The following RGMB variants were observed in gnomAD, a reference collection of about 807,000 sequenced individuals.
RGMB encodes repulsive guidance molecule BMP co-receptor b, also known as repulsive guidance molecule B.
RGMB carries 16 observed loss-of-function variants against 26.9 expected under a neutral mutation model. The ratio of observed to expected loss-of-function variants is 0.60; its 90% confidence interval spans 0.40 to 0.90. The LOEUF (loss-of-function observed/expected upper bound fraction) is 0.90, where lower values mean the gene tolerates loss of function less well. Among genes scored for constraint, RGMB ranks in the 40% least tolerant of loss-of-function variants. RGMB has a pLI of 0.00. For missense variants in RGMB, 512 were observed against 573.3 expected, an observed-to-expected ratio of 0.89 and a Z score of 1.09; for synonymous variants, 225 against 229.3, an observed-to-expected ratio of 0.98 and a Z score of 0.17.
At chr5:98,769,510 C>G (rs545354455), upstream of RGMB, 1 of 152,356 alleles carries the variant, frequency 6.6e-6, no homozygotes, top group African/African-American at 2.4e-5. Context: ...CGCTGCCCCC[C>G]ACCTGGGGGA....
At position 98,790,794 on chromosome 5, in the gene RGMB, G is replaced by T. The variant is rs111616211; in HGVS notation, c.646-2291G>T. On this transcript the variant is annotated intron_variant, in intron 2 of 2. Transcript: ENST00000513185. Reference sequence around the variant, plus strand: ...TTTAAATTTTAGGTTTGTTAGACTAGAAAGACGAATTATTTAGCCGTCATT... The same window carrying T: ...TTTAAATTTTAGGTTTGTTAGACTATAAAGACGAATTATTTAGCCGTCATT... 4.8e-3 allele frequency among the ~76,000 whole-genome samples: 733 copies of T among 152,324 alleles called. 8 individuals are homozygous for T. The highest frequency in any genetic ancestry group is 0.016 in the African/African-American group (675 of 41,568).
upstream of RGMB, chr5:98,773,651 G>GGGGGCTGCCGCGCAGAGATATC (rs1746256130): frequency 1.2e-5 from 4 of 329,186 alleles, no homozygotes; most frequent in Admixed American, 4.9e-5. Flanking sequence ...GATCGACCGC[G>GGGGGCTGCCGCGCAGAGATATC]GGGGCTGCCG....
At chr5:98,791,756 T>G (rs1363175949) in intron 2 of RGMB, among the ~76,000 whole-genome samples, 3 of 151,316 alleles carry the variant, frequency 2.0e-5, no homozygotes, top group Non-Finnish European at 4.4e-5. Context: ...CCATGTTGTG[T>G]GACACAGCAG....
intron 2 of RGMB, among the ~76,000 whole-genome samples, chr5:98,783,927 T>C (rs922382177): frequency 1.3e-5 from 2 of 152,232 alleles, no homozygotes; most frequent in African/African-American, 4.8e-5. Context: ...TGTGGTTGTA[T>C]CCTTTTTCAC....
chr5:98,780,150 G>C, intron 2 of RGMB, 62 bp downstream of exon 2: 1 of 1,487,626 alleles, frequency 6.7e-7, no homozygotes, highest in Non-Finnish European at 9.1e-7. Context: ...TGATTCTTCA[G>C]ATAACTTTTG....
At chr5:98,777,107 G>A (rs989477345) in intron 1 of RGMB, among the ~76,000 whole-genome samples, 1 of 151,784 alleles carries the variant, frequency 6.6e-6, no homozygotes, top group Non-Finnish European at 1.5e-5. Context: ...AAAAGGAAAG[G>A]AAAAGGTTTG....
In RGMB at chr5:98,793,818, A is replaced by T; in HGVS notation, c.*65A>T. 8.2e-7 allele frequency: 1 copy of T among 1,224,764 alleles called. No individual in the cohort carries two copies. The allele number at this position is 1,224,764 out of a possible 1,614,324, so 75.9% of individuals were successfully genotyped here. On this transcript the variant is annotated 3_prime_UTR_variant, in exon 3 of 3. Coordinates refer to ENST00000513185, the MANE Select transcript of RGMB (RefSeq NM_001366508.1). ...ACAAAATTTTAAAATATATATTGTCATAATATATTGAGTAAAAGAGTATAT... is the reference window on the plus strand; with the variant it reads ...ACAAAATTTTAAAATATATATTGTCTTAATATATTGAGTAAAAGAGTATAT...
rs1464200558 is a variant in RGMB, at chr5:98,794,283, A to T, written c.*530A>T. 6.6e-6 allele frequency: 1 copy of T among 151,876 alleles called. No individual in the cohort carries two copies. The highest frequency in any genetic ancestry group is 1.9e-4 in the East Asian group (1 of 5,154). 9.4% of individuals were successfully genotyped at this position (151,876 alleles called of 1,614,324 possible). A position where few individuals can be genotyped will look rare whatever the true frequency, so the allele number is the denominator to read the frequency against. On this transcript the variant is annotated 3_prime_UTR_variant, in exon 3 of 3. Transcript: ENST00000513185. ...CTCACTTGATTTGAAAGGGTCGTTA[A>T]CTCTCCCTTACAGGTGCTTTGACTC...
intron 1 of RGMB, 69 bp from the exon 2 acceptor site, chr5:98,779,511 G>A: frequency 1.4e-6 from 2 of 1,405,158 alleles, no homozygotes; most frequent in Non-Finnish European, 1.9e-6. Flanking sequence ...AGAACAATGT[G>A]ATTTTCTCAT....
In RGMB at chr5:98,794,926, C is replaced by G. The variant is rs1321749611; in HGVS notation, c.*1173C>G. 1.3e-5 allele frequency: 2 copies of G among 152,232 alleles called. No homozygotes were observed. Among genetic ancestry groups the G allele is most frequent in the African/African-American group, 4.8e-5 (2 of 41,454 alleles). 9.4% of individuals were successfully genotyped at this position (152,232 alleles called of 1,614,324 possible). On this transcript the variant is annotated 3_prime_UTR_variant, in exon 3 of 3. Transcript: ENST00000513185. Reference sequence around the variant, plus strand: ...ACAGAAGAGCTTCCTTGGCCTGACTCGGTGTGCGGCCACTTCGGCACTGCT... The same window carrying G: ...ACAGAAGAGCTTCCTTGGCCTGACTGGGTGTGCGGCCACTTCGGCACTGCT...
chr5:98,788,701 C>G (rs991660461), intron 2 of RGMB, among the ~76,000 whole-genome samples: 1 of 152,188 alleles, frequency 6.6e-6, no homozygotes, highest in African/African-American at 2.4e-5. Context: ...GGAGTGGGAC[C>G]AGGGAAGACA....
chr5:98,783,716 G>T (rs1746677720), intron 2 of RGMB, among the ~76,000 whole-genome samples: 2 of 152,168 alleles, frequency 1.3e-5, no homozygotes, highest in African/African-American at 4.8e-5. Context: ...GAAAGATTCT[G>T]CACTTTGCAA....
chr5:98,791,374 CAAGT>C (rs1381595518), intron 2 of RGMB, among the ~76,000 whole-genome samples: 2 of 151,866 alleles, frequency 1.3e-5, no homozygotes, highest in African/African-American at 2.4e-5. Flanking sequence ...AAATTCCAGT[CAAGT>C]AACACCAGTG....
At chr5:98,783,052 CCCTCT>C (rs1338922958) in intron 2 of RGMB, among the ~76,000 whole-genome samples, 1 of 152,188 alleles carries the variant, frequency 6.6e-6, no homozygotes, top group Non-Finnish European at 1.5e-5. Context: ...CCCACCATGG[CCCTCT>C]CCTCCCCTTC....
In RGMB at chr5:98,774,110, G is replaced by A. The variant is rs1417306684; in HGVS notation, c.40G>A (p.Ala14Thr). Residue 14 changes from alanine (A) to threonine (T), a missense_variant, in exon 1 of 3, where the codon GCC (alanine) becomes ACC (threonine). Ala to Thr is a moderately conservative substitution (Grantham distance 58). Transcript: ENST00000513185. ...AGCACCTTCCAGCGCCGCCGCTGCCGCCGCCGAGGTTGAGCAGCGCCGCAG... is the reference window on the plus strand; with the variant it reads ...AGCACCTTCCAGCGCCGCCGCTGCCACCGCCGAGGTTGAGCAGCGCCGCAG... ...RAAPSSAAAA[A>T]AEVEQRRSPG... 1.5e-6 allele frequency: 2 copies of A among 1,353,284 alleles called. No individual in the cohort carries two copies. The highest frequency in any genetic ancestry group is 2.1e-5 in the Admixed American group (1 of 47,782). 83.8% of individuals were successfully genotyped at this position (1,353,284 alleles called of 1,614,324 possible). A position where few individuals can be genotyped will look rare whatever the true frequency, so the allele number is the denominator to read the frequency against.
chr5:98,779,827 C>A lies in RGMB; in HGVS notation c.384C>A (p.Ser128=), dbSNP rs371493564. The A allele has an allele frequency of 2.9e-5, 47 of 1,613,936 alleles. No homozygotes were observed. The Middle Eastern group carries it at 6.6e-4, about 23-fold the overall frequency. The change falls in exon 2 of 3, where the codon TCC becomes TCA. Residue 128 remains serine (S), a synonymous_variant. Transcript: ENST00000513185. ...QRNCSKDGPT[S]STNPEVTHDP... is the part of the protein sequence containing the mutation. ...ATTGTTCCAAGGATGGACCCACATC[C>A]TCTACCAACCCCGAAGTGACCCATG...
At chr5:98,791,462 G>T (rs942581820) in intron 2 of RGMB, among the ~76,000 whole-genome samples, 3 of 152,064 alleles carry the variant, frequency 2.0e-5, no homozygotes, top group African/African-American at 7.2e-5. Context: ...AAACTTGAGG[G>T]TGGTGGTGAG....
chr5:98,793,267 A>G lies in RGMB; in HGVS notation c.828A>G (p.Ile276Met). 1 of 1,613,992 alleles carries G rather than the reference A, an allele frequency of 6.2e-7. No individual in the cohort carries two copies. The change falls in exon 3 of 3, where the codon ATA (isoleucine) becomes ATG (methionine). Residue 276 changes from isoleucine to methionine, a missense_variant. By Grantham distance (10) the Ile-to-Met change is conservative. Transcript: ENST00000513185. ...GHYVEMHARY[I>M]GTTVFVRQVG... Reference sequence around the variant, plus strand: ...ATGTGGAGATGCACGCCCGCTATATAGGGACCACAGTGTTTGTGCGGCAGG... The same window carrying G: ...ATGTGGAGATGCACGCCCGCTATATGGGGACCACAGTGTTTGTGCGGCAGG...
Position 98,793,366 on chromosome 5 carries a change from G to A in RGMB, c.927G>A (p.Leu309=), listed in dbSNP as rs764840465. ...LAMSYEESQD[L]QLCVNGCPLS... ...TGTCCTACGAGGAGAGCCAGGACCT[G>A]CAGCTGTGCGTGAACGGCTGCCCCC... The change falls in exon 3 of 3, where the codon CTG becomes CTA. Residue 309 remains leucine, a synonymous_variant. Transcript: ENST00000513185. 1 of 1,613,700 alleles carries A rather than the reference G, an allele frequency of 6.2e-7. No individual in the cohort carries two copies. The highest frequency in any genetic ancestry group is 8.5e-7 in the Non-Finnish European group (1 of 1,179,792).
Sources: allele counts gnomAD v4.1 joint callset (sites outside exome capture counted in the v4.1 genomes callset), GRCh38; gene constraint gnomAD v4.1.1; transcripts MANE v1.5; gene names NCBI Gene and HGNC (gene_info 2026-07-23, HGNC 2026-07-21).